MEGF11: variants seen among roughly 807,000 people sequenced by gnomAD.
MEGF11 encodes the protein multiple EGF like domains 11, also known as multiple epidermal growth factor-like domains protein 11.
A neutral mutation model predicts 146.6 loss-of-function variants in MEGF11; 126 were observed. The observed-to-expected ratio is 0.86, with a 90% confidence interval of 0.74 to 1.00. The LOEUF (loss-of-function observed/expected upper bound fraction) is 1.00, where lower values mean the gene tolerates loss of function less well. MEGF11 is among the 50% of genes least tolerant of loss of function. MEGF11 has a pLI of 0.00. For missense variants in MEGF11, 1,509 were observed against 1,521.2 expected (o/e 0.99, Z 0.13); for synonymous variants, 532 against 583.4 (o/e 0.91, Z 1.27).
intron 2 of MEGF11, among the ~76,000 whole-genome samples, chr15:66,127,498 C>T (rs1329155618): frequency 6.6e-6 from 1 of 152,208 alleles, no homozygotes; most frequent in African/African-American, 2.4e-5. Flanking sequence ...TCCGAGTCCC[C>T]CGCCTTTCTT....
intron 1 of MEGF11, among the ~76,000 whole-genome samples, chr15:66,190,061 G>T (rs560002486): frequency 6.6e-6 from 1 of 152,120 alleles, no homozygotes; most frequent in Non-Finnish European, 1.5e-5. Flanking sequence ...TCATCAGGAC[G>T]CTTTCAGAAC....
rs5813374 is a variant in MEGF11 at position 66,088,655 on chromosome 15, C to CAA, written c.394+5745_394+5746dup. Among the ~76,000 whole-genome samples, 749 of 146,208 alleles carry CAA rather than the reference C, an allele frequency of 5.1e-3. 9 individuals are homozygous for CAA. The highest frequency in any genetic ancestry group is 0.018 in the African/African-American group (712 of 39,982). On this transcript the variant is annotated intron_variant, in intron 5 of 25. Transcript: ENST00000395614. ...GGGCGACAGAGCAAGACTTCATTCT[C>CAA]AAAAAAAAAAAAAGGAAATTCCGAC...
intron 5 of MEGF11, among the ~76,000 whole-genome samples, chr15:66,024,664 C>A (rs1343737829): frequency 6.6e-6 from 1 of 152,172 alleles, no homozygotes; most frequent in African/African-American, 2.4e-5. Flanking sequence ...TGAAGTAAAT[C>A]ACCCAAGGTC....
chr15:66,142,459 T>C (rs12148564), intron 1 of MEGF11, among the ~76,000 whole-genome samples: 60,230 of 152,122 alleles, frequency 0.4, 12,635 homozygotes, highest in East Asian at 0.79. Context: ...GCAGAGGAGA[T>C]ATTTATTTCA....
intron 10 of MEGF11, among the ~76,000 whole-genome samples, chr15:65,942,148 C>G (rs2080016795): frequency 1.3e-5 from 2 of 152,180 alleles, no homozygotes; most frequent in Admixed American, 1.3e-4. Flanking sequence ...GCAACTGATT[C>G]CAAAGCCCAA....
At chr15:65,901,528 T>C (rs2078494368) in intron 24 of MEGF11, among the ~76,000 whole-genome samples, 1 of 152,088 alleles carries the variant, frequency 6.6e-6, no homozygotes, top group South Asian at 2.1e-4. Context: ...TGTCTCTTAG[T>C]TGATACCAAT....
intron 3 of MEGF11, among the ~76,000 whole-genome samples, chr15:66,120,467 G>A (rs528174471): frequency 1.3e-5 from 2 of 152,294 alleles, no homozygotes; most frequent in South Asian, 4.1e-4. Flanking sequence ...CAGCAGCACA[G>A]CAGCAGGGTC....
chr15:65,985,538 C>G (rs1257423226), intron 5 of MEGF11, among the ~76,000 whole-genome samples: 1 of 152,014 alleles, frequency 6.6e-6, no homozygotes, highest in Admixed American at 6.6e-5. Flanking sequence ...CTCGGTGCAT[C>G]GCAGGGCATA....
intron 6 of MEGF11, among the ~76,000 whole-genome samples, chr15:65,981,305 T>G (rs2081630826): frequency 6.6e-6 from 1 of 152,218 alleles, no homozygotes; most frequent in Admixed American, 6.5e-5. Context: ...GGATCCCATC[T>G]TTAAGAATCC....
At position 66,199,682 on chromosome 15, in the gene MEGF11, G is replaced by A. The variant is rs993814637; in HGVS notation, c.-9+53923C>T. ...TGTGTTCCTGTGGTCCCAGCTACTC[G>A]GGAGGCTGAGGCAGGAGGATTGGTT... On this transcript the variant is annotated intron_variant, in intron 1 of 25. Coordinates refer to ENST00000395614, the MANE Select transcript of MEGF11 (RefSeq NM_001385028.1). Among the ~76,000 whole-genome samples, 26 of 152,248 alleles carry A rather than the reference G, an allele frequency of 1.7e-4. 1 individual carries two copies. In the East Asian group the frequency reaches 3.9e-3, roughly 23 times the overall value.
intron 5 of MEGF11, among the ~76,000 whole-genome samples, chr15:66,002,728 G>A (rs1406484222): frequency 6.6e-6 from 1 of 152,246 alleles, no homozygotes; most frequent in Admixed American, 6.5e-5. Context: ...TTATGATTAT[G>A]AAGGACCAGG....
chr15:66,112,028 C>T (rs1183372931), intron 4 of MEGF11, among the ~76,000 whole-genome samples: 4 of 150,984 alleles, frequency 2.6e-5, no homozygotes, highest in African/African-American at 9.7e-5. Flanking sequence ...ATGTGTAGGG[C>T]CGCTGAACAA....
chr15:66,073,996 A>G (rs1346779526), intron 5 of MEGF11, among the ~76,000 whole-genome samples: 2 of 152,180 alleles, frequency 1.3e-5, no homozygotes, highest in African/African-American at 2.4e-5. Flanking sequence ...ATAAAATTAA[A>G]ACAACCATAG....
intron 5 of MEGF11, among the ~76,000 whole-genome samples, chr15:66,018,701 GA>G (rs2082984314): frequency 7.8e-6 from 1 of 128,422 alleles, no homozygotes; most frequent in Non-Finnish European, 1.7e-5. Context: ...ACCTGTGCAT[GA>G]GACTCTGTGT....
At chr15:66,143,976 T>C (rs1006261672) in intron 1 of MEGF11, among the ~76,000 whole-genome samples, 14 of 152,120 alleles carry the variant, frequency 9.2e-5, no homozygotes, top group Non-Finnish European at 2.9e-5. Context: ...CGGGTCCTCC[T>C]CTGTCCAGGA....
intron 4 of MEGF11, among the ~76,000 whole-genome samples, chr15:66,100,372 C>T (rs1402463619): frequency 6.6e-6 from 1 of 152,132 alleles, no homozygotes; most frequent in East Asian, 1.9e-4. Flanking sequence ...CTCTCCGGCA[C>T]CCCATAGAGA....
chr15:66,170,185 T>A (rs1296896650), intron 1 of MEGF11, among the ~76,000 whole-genome samples: 1 of 152,094 alleles, frequency 6.6e-6, no homozygotes, highest in Non-Finnish European at 1.5e-5. Flanking sequence ...CCTGGGTGCG[T>A]GTTAGGAGAG....
intron 5 of MEGF11, among the ~76,000 whole-genome samples, chr15:66,026,365 G>C (rs969670805): frequency 6.6e-6 from 1 of 152,238 alleles, no homozygotes; most frequent in Non-Finnish European, 1.5e-5. Flanking sequence ...AGGGACCACG[G>C]CTTTATCATC....
intron 9 of MEGF11, among the ~76,000 whole-genome samples, chr15:65,958,228 G>A (rs142140189): frequency 2.2e-4 from 33 of 152,360 alleles, no homozygotes; most frequent in African/African-American, 6.5e-4. Context: ...TGGGCCAGAT[G>A]TGGCCTCCTC....
Sources: allele counts gnomAD v4.1 joint callset (sites outside exome capture counted in the v4.1 genomes callset), GRCh38; gene constraint gnomAD v4.1.1; transcripts MANE v1.5; gene names NCBI Gene and HGNC (gene_info 2026-07-23, HGNC 2026-07-21).